XRCC4: variants seen among roughly 807,000 people sequenced by gnomAD.
XRCC4 encodes X-ray repair cross complementing 4.
A neutral mutation model predicts 39.1 loss-of-function variants in XRCC4; 28 were observed. That is an observed-to-expected ratio of 0.72 (90% confidence interval 0.53 to 0.98). The LOEUF is 0.98. Ranked by LOEUF, XRCC4 falls within the 50% of genes least tolerant of loss-of-function variation. XRCC4 has a pLI of 0.00. For missense variants in XRCC4, 350 were observed against 376.4 expected, an observed-to-expected ratio of 0.93 and a Z score of 0.58; for synonymous variants, 123 against 126.4, an observed-to-expected ratio of 0.97 and a Z score of 0.18.
chr5:83,360,779 C>T, the XRCC4 span, among the ~76,000 whole-genome samples: 6 of 151,664 alleles, frequency 4.0e-5, no homozygotes, highest in Non-Finnish European at 7.4e-5. Context: ...CAGCTGAGCC[C>T]AGTCTAGATA....
intron 3 of XRCC4, among the ~76,000 whole-genome samples, chr5:83,124,200 A>G (rs1333633637): frequency 2.6e-5 from 4 of 152,116 alleles, no homozygotes; most frequent in Non-Finnish European, 4.4e-5. Context: ...TGTAACTACC[A>G]CCATAGTCAG....
intron 7 of XRCC4, among the ~76,000 whole-genome samples, chr5:83,313,467 C>G (rs181151436): frequency 4.6e-5 from 7 of 151,996 alleles, no homozygotes; most frequent in Non-Finnish European, 8.8e-5. Context: ...TGGGTTTTTT[C>G]CCCCCAGTTT....
At chr5:83,127,256 C>G (rs2112464724) in intron 3 of XRCC4, among the ~76,000 whole-genome samples, 1 of 152,164 alleles carries the variant, frequency 6.6e-6, no homozygotes, top group African/African-American at 2.4e-5. Context: ...AAACTTAACC[C>G]CTGATATGGT....
At chr5:83,370,146 C>G in the XRCC4 span, among the ~76,000 whole-genome samples, 1 of 152,134 alleles carries the variant, frequency 6.6e-6, no homozygotes, top group Non-Finnish European at 1.5e-5. Context: ...CAGAGGTGCT[C>G]TTAGTTCTCC....
At chr5:83,310,235 G>T (rs1323012533) in intron 7 of XRCC4, among the ~76,000 whole-genome samples, 3 of 152,170 alleles carry the variant, frequency 2.0e-5, no homozygotes, top group Admixed American at 2.0e-4. Flanking sequence ...AATGGGAGAG[G>T]ACTGAAGCTG....
chr5:83,285,491 T>C (rs546987449), intron 7 of XRCC4, among the ~76,000 whole-genome samples: 4 of 152,200 alleles, frequency 2.6e-5, no homozygotes, highest in African/African-American at 9.6e-5. Flanking sequence ...GAGTCGCTGC[T>C]GTTTCATGAA....
intron 6 of XRCC4, among the ~76,000 whole-genome samples, chr5:83,220,443 G>A (rs1752036188): frequency 6.6e-6 from 1 of 152,102 alleles, no homozygotes; most frequent in African/African-American, 2.4e-5. Flanking sequence ...CCATATTTAA[G>A]ATCAAAAGGA....
chr5:83,223,024 A>G (rs1330716225), intron 6 of XRCC4, among the ~76,000 whole-genome samples: 1 of 152,178 alleles, frequency 6.6e-6, no homozygotes, highest in African/African-American at 2.4e-5. Flanking sequence ...CTGGGATTAC[A>G]GGTGTGAGCC....
At chr5:83,369,313 G>C in the XRCC4 span, among the ~76,000 whole-genome samples, 5 of 152,146 alleles carry the variant, frequency 3.3e-5, no homozygotes, top group Non-Finnish European at 5.9e-5. Flanking sequence ...AATTTTGCGA[G>C]ATGCTGAGGT....
intron 7 of XRCC4, among the ~76,000 whole-genome samples, chr5:83,284,594 T>C (rs1439898178): frequency 6.6e-6 from 1 of 152,244 alleles, no homozygotes; most frequent in East Asian, 1.9e-4. Flanking sequence ...CTGTTGTTCA[T>C]TTACTCTAGG....
intron 6 of XRCC4, among the ~76,000 whole-genome samples, chr5:83,244,036 G>A (rs1022645931): frequency 6.6e-6 from 1 of 152,122 alleles, no homozygotes; most frequent in Non-Finnish European, 1.5e-5. Flanking sequence ...CAAATATAAT[G>A]TGCAAAGTTA....
At chr5:83,249,067 G>A (rs1315204183) in intron 6 of XRCC4, among the ~76,000 whole-genome samples, 2 of 152,002 alleles carry the variant, frequency 1.3e-5, no homozygotes, top group Admixed American at 6.6e-5. Flanking sequence ...AGCATAATAA[G>A]GTAAGTTACA....
rs527336595 is a variant in XRCC4 at position 83,150,093 on chromosome 5, C to T, written c.315+38890C>T. ...TGATAATTAAATTTAATCTTCTATT[C>T]GTGGCTAAATTATAATACTTTCCTA... On this transcript the variant is annotated intron_variant, in intron 3 of 7. Coordinates refer to ENST00000396027, the MANE Select transcript of XRCC4 (RefSeq NM_003401.5). Among the ~76,000 whole-genome samples the T allele has an allele frequency of 2.0e-5, 3 of 152,178 alleles. No individual in the cohort carries two copies. In the East Asian group the frequency reaches 5.8e-4, roughly 29 times the overall value.
At chr5:83,222,153 T>G (rs1234761609) in intron 6 of XRCC4, among the ~76,000 whole-genome samples, 1 of 151,976 alleles carries the variant, frequency 6.6e-6, no homozygotes, top group Non-Finnish European at 1.5e-5. Context: ...TTTATTCCAT[T>G]TACAGTTCAT....
intron 7 of XRCC4, among the ~76,000 whole-genome samples, chr5:83,264,078 C>A (rs963295431): frequency 2.0e-5 from 3 of 152,140 alleles, no homozygotes; most frequent in Non-Finnish European, 4.4e-5. Context: ...TGCAGTGCCA[C>A]TGATAGAGTT....
At chr5:83,282,495 C>T (rs114711615) in intron 7 of XRCC4, among the ~76,000 whole-genome samples, 539 of 151,358 alleles carry the variant, frequency 3.6e-3, no homozygotes, top group Non-Finnish European at 5.9e-3. Flanking sequence ...ATGTGTTGTA[C>T]ATATTAAGGT....
intron 3 of XRCC4, among the ~76,000 whole-genome samples, chr5:83,141,950 T>G (rs1437980136): frequency 6.6e-6 from 1 of 152,192 alleles, no homozygotes; most frequent in African/African-American, 2.4e-5. Flanking sequence ...TCTCTCTATA[T>G]CTTTTACACC....
At chr5:83,329,202 A>G (rs557120231) in intron 7 of XRCC4, among the ~76,000 whole-genome samples, 4 of 152,170 alleles carry the variant, frequency 2.6e-5, no homozygotes, top group Non-Finnish European at 5.9e-5. Flanking sequence ...AAGAAAACAC[A>G]GGAGAATATT....
chr5:83,228,323 C>A (rs1380398590), intron 6 of XRCC4, among the ~76,000 whole-genome samples: 2 of 151,852 alleles, frequency 1.3e-5, no homozygotes, highest in Non-Finnish European at 2.9e-5. Context: ...CATTGTGATA[C>A]TACTTTTACA....
Sources: gnomAD v4.1 joint callset for allele counts (sites outside exome capture counted in the v4.1 genomes callset) on GRCh38, gnomAD v4.1.1 for gene constraint, MANE v1.5 for transcripts, NCBI Gene and HGNC (gene_info 2026-07-23, HGNC 2026-07-21) for gene names.